PDE4DIP: variants seen among roughly 807,000 people sequenced by gnomAD.
PDE4DIP encodes the protein phosphodiesterase 4D interacting protein.
A neutral mutation model predicts 221.4 loss-of-function variants in PDE4DIP; 59 were observed. The observed-to-expected ratio is 0.27, with a 90% CI of 0.22 to 0.33. The LOEUF (loss-of-function observed/expected upper bound fraction) is 0.33, where lower values mean the gene tolerates loss of function less well. Among genes scored for constraint, PDE4DIP ranks in the 10% least tolerant of loss-of-function variants. The pLI, the probability that PDE4DIP is intolerant of heterozygous loss-of-function variation, is 1.00. For synonymous variants in PDE4DIP, 404 were observed against 815.9 expected (o/e 0.50, Z 8.60); for missense variants, 1,036 against 2,154.2 (o/e 0.48, Z 10.28).
At chr1:148,972,917 C>T (rs6680137) in intron 16 of PDE4DIP, among the ~76,000 whole-genome samples, 1 of 116,652 alleles carries the variant, frequency 8.6e-6, no homozygotes, top group East Asian at 2.5e-4. Flanking sequence ...TCCTGGGTAT[C>T]GTTTCAAGTC....
At chr1:148,951,662 A>T (rs1236027206) in intron 5 of PDE4DIP, among the ~76,000 whole-genome samples, 2 of 152,254 alleles carry the variant, frequency 1.3e-5, no homozygotes, top group African/African-American at 2.4e-5. Flanking sequence ...CTGCATCCTT[A>T]AAAAAGCCCA....
exon 32 of PDE4DIP, chr1:149,012,748 A>G (rs1477171810): frequency 6.8e-6 from 11 of 1,610,124 alleles, no homozygotes; most frequent in Non-Finnish European, 7.6e-6. Flanking sequence ...AGCAGGAGCT[A>G]CAGATGCTGC....
At position 148,899,109 on chromosome 1, in the gene PDE4DIP, A is replaced by C. The variant is rs2799205; in HGVS notation, c.141+9215A>C. ...GGCCTCCCAAAGTGCTGGGATTATA[A>C]GTGTGAGCCAATGCGCCTGGTGGGA... is the stretch of plus-strand genomic sequence containing the variant. On this transcript the variant is annotated intron_variant, in intron 1 of 43. Coordinates refer to ENST00000369354, the Ensembl canonical transcript of PDE4DIP. Among the ~76,000 whole-genome samples, 34 of 121,528 alleles carry C rather than the reference A, an allele frequency of 2.8e-4. 10 individuals are homozygous for C. The East Asian group carries it at 3.5e-3, about 12-fold the overall frequency. 79.7% of individuals were successfully genotyped at this position (121,528 alleles called of 152,430 possible).
intron 1 of PDE4DIP, among the ~76,000 whole-genome samples, chr1:148,843,708 G>T (rs587619878): frequency 9.0e-5 from 1 of 11,110 alleles, no homozygotes; most frequent in Non-Finnish European, 1.4e-4. Flanking sequence ...CAGGGCCTGA[G>T]GCAATGCCAT....
chr1:148,985,110 A>C (rs1316692232), intron 21 of PDE4DIP: 4 of 152,176 alleles, frequency 2.6e-5, no homozygotes, highest in Non-Finnish European at 5.9e-5. Context: ...AAATGAAATT[A>C]GTTTTCTTTT....
intron 30 of PDE4DIP, among the ~76,000 whole-genome samples, chr1:149,010,108 CCTT>C (rs2068151778): frequency 6.6e-6 from 1 of 152,148 alleles, no homozygotes; most frequent in African/African-American, 2.4e-5. Context: ...TGGAAAACCT[CCTT>C]CATCTCTCCT....
intron 5 of PDE4DIP, chr1:148,953,715 C>T (rs200545556): frequency 6.4e-6 from 9 of 1,404,194 alleles, no homozygotes; most frequent in African/African-American, 5.7e-5. Context: ...AGCAGGCTTC[C>T]GATTCCAGTG....
chr1:148,923,574 C>G lies in PDE4DIP; in HGVS notation c.142-5623C>G, dbSNP rs1440911401. On this transcript the variant is annotated intron_variant, in intron 1 of 43. Coordinates refer to ENST00000369354, the Ensembl canonical transcript of PDE4DIP. Reference sequence around the variant, plus strand: ...CTGCAAGCTCCGCCTCCCGGGTTCACGCCATTCTCCTGCCTCAGCCTCTCA... The same window carrying G: ...CTGCAAGCTCCGCCTCCCGGGTTCAGGCCATTCTCCTGCCTCAGCCTCTCA... 1.5e-4 allele frequency among the ~76,000 whole-genome samples: 21 copies of G among 141,416 alleles called. 2 individuals are homozygous for G. Among genetic ancestry groups the G allele is most frequent in the Non-Finnish European group, 2.7e-4 (18 of 66,196 alleles). 92.8% of individuals were successfully genotyped at this position (141,416 alleles called of 152,430 possible).
chr1:148,915,970 AC>A (rs1553458059), intron 1 of PDE4DIP, among the ~76,000 whole-genome samples: 1 of 145,770 alleles, frequency 6.9e-6, no homozygotes, highest in African/African-American at 2.6e-5. Flanking sequence ...CCAGCACCCC[AC>A]AAAACTCTCC....
chr1:149,032,082 T>C lies in PDE4DIP; in HGVS notation c.*97T>C, dbSNP rs1559476771. The C allele has an allele frequency of 3.1e-6, 5 of 1,606,032 alleles. No individual in the cohort carries two copies. In the African/African-American group the frequency reaches 5.3e-5, roughly 17 times the overall value. ...TGTCCCCCTTTTGTGCAGCTACCTATCTGCTGAGGAGCATCTGGGCCTCAT... is the reference window on the plus strand; with the variant it reads ...TGTCCCCCTTTTGTGCAGCTACCTACCTGCTGAGGAGCATCTGGGCCTCAT... On this transcript the variant is annotated 3_prime_UTR_variant, in exon 44 of 44. Transcript: ENST00000369354.
At chr1:148,820,890 G>A (rs797031658) in intron 1 of PDE4DIP, among the ~76,000 whole-genome samples, 1 of 146,456 alleles carries the variant, frequency 6.8e-6, no homozygotes, top group Non-Finnish European at 1.5e-5. Context: ...TCTCGCTGTT[G>A]CCCAGGCTGG....
chr1:148,999,189 C>T (rs1481751182), intron 23 of PDE4DIP: 2 of 143,690 alleles, frequency 1.4e-5, no homozygotes, highest in Non-Finnish European at 3.0e-5. Context: ...TTAGATTGGC[C>T]ACTCTGTCTT....
chr1:148,952,423 C>T (rs2151296691), intron 5 of PDE4DIP: 1 of 1,085,924 alleles, frequency 9.2e-7, no homozygotes, highest in Non-Finnish European at 1.1e-6. Context: ...CGCTGCTGCT[C>T]CGGGAGCCCA....
At chr1:148,963,831 G>A (rs587705774) in intron 9 of PDE4DIP, among the ~76,000 whole-genome samples, 93 of 120,482 alleles carry the variant, frequency 7.7e-4, no homozygotes, top group Middle Eastern at 6.5e-3. Context: ...TCGGCTCGCT[G>A]CAAGCTCCGC....
rs148261220 is a variant in PDE4DIP at position 148,820,555 on chromosome 1, C to CAAA, written c.233+11841_233+11843dup. 0.012 allele frequency among the ~76,000 whole-genome samples: 489 copies of CAAA among 39,234 alleles called. 4 individuals carry two copies. The East Asian group carries it at 0.14, about 11-fold the overall frequency. The allele number at this position is 39,234 out of a possible 152,430, so 25.7% of individuals were successfully genotyped here. On this transcript the variant is annotated intron_variant, in intron 1 of 45. Coordinates refer to the PDE4DIP transcript ENST00000524974. Reference sequence around the variant, plus strand: ...GCACTCCAGCCTGGAAACTCCATCTCAAAAAAAAAAAAAAAAAAAAAAAAA... The same window carrying CAAA: ...GCACTCCAGCCTGGAAACTCCATCTCAAAAAAAAAAAAAAAAAAAAAAAAAAAA...
intron 17 of PDE4DIP, among the ~76,000 whole-genome samples, chr1:148,975,506 A>C (rs2060000555): frequency 6.6e-6 from 1 of 151,594 alleles, no homozygotes; most frequent in Non-Finnish European, 1.5e-5. Flanking sequence ...ATTCAAACTC[A>C]AGCCTTTTGT....
chr1:149,031,373 AC>A (rs2076679354), intron 43 of PDE4DIP: 1 of 159,590 alleles, frequency 6.3e-6, no homozygotes. Flanking sequence ...CTGGCTTATC[AC>A]TAACTGCTGT....
chr1:148,976,559 G>A (rs587682773), intron 17 of PDE4DIP, among the ~76,000 whole-genome samples: 1 of 152,100 alleles, frequency 6.6e-6, no homozygotes, highest in Admixed American at 6.5e-5. Flanking sequence ...CTCTAAGCTT[G>A]GGCTAGTGCT....
intron 22 of PDE4DIP, among the ~76,000 whole-genome samples, chr1:148,995,995 G>A (rs190911984): frequency 3.4e-4 from 51 of 151,268 alleles, no homozygotes; most frequent in African/African-American, 1.2e-3. Context: ...ACCCAAATTA[G>A]CCTGGGGAAA....
Sources: gnomAD v4.1 joint callset for allele counts (sites outside exome capture counted in the v4.1 genomes callset) on GRCh38, gnomAD v4.1.1 for gene constraint, MANE v1.5 for transcripts, NCBI Gene and HGNC (gene_info 2026-07-23, HGNC 2026-07-21) for gene names.